ELMOD1: variants seen among roughly 807,000 people sequenced by gnomAD.
The protein encoded by ELMOD1 is ELMO domain containing 1, also known as ELMO domain-containing protein 1.
A neutral mutation model predicts 46.7 loss-of-function variants in ELMOD1; 21 were observed. That is an observed-to-expected ratio of 0.45 (90% confidence interval 0.32 to 0.65). The LOEUF (loss-of-function observed/expected upper bound fraction) is 0.65. Ranked by LOEUF, ELMOD1 falls within the 30% of genes least tolerant of loss-of-function variation. The pLI, the probability that ELMOD1 is intolerant of heterozygous loss-of-function variation, is 0.04. For missense variants in ELMOD1, 348 were observed against 407.8 expected, an observed-to-expected ratio of 0.85 and a Z score of 1.26; for synonymous variants, 122 against 138.2, an observed-to-expected ratio of 0.88 and a Z score of 0.82.
Position 107,654,238 on chromosome 11 carries a change from C to A in ELMOD1, c.698+16C>A. The A allele has an allele frequency of 6.3e-7, 1 of 1,583,936 alleles. No individual in the cohort carries two copies. The highest frequency in any genetic ancestry group is 8.6e-7 in the Non-Finnish European group (1 of 1,163,852). On this transcript the variant is annotated intron_variant, in intron 10 of 11. Coordinates refer to ENST00000265840, the MANE Select transcript of ELMOD1 (RefSeq NM_018712.4). ...AGGCAATTGGGTGAGTATGGGATCT[C>A]ACATGGAAAGATGGTCCGTCTGAAA... is the stretch of plus-strand genomic sequence containing the variant.
intron 2 of ELMOD1, among the ~76,000 whole-genome samples, chr11:107,626,601 T>C (rs1352125797): frequency 1.3e-5 from 1 of 76,768 alleles, no homozygotes; most frequent in African/African-American, 3.6e-5. Flanking sequence ...TTCCTTCTTA[T>C]CTTCTTTCCT....
chr11:107,623,486 C>A (rs993365090), intron 2 of ELMOD1: 2 of 152,226 alleles, frequency 1.3e-5, no homozygotes, highest in Admixed American at 6.5e-5. Flanking sequence ...CACGGGCACT[C>A]AATAAATGTT....
intron 1 of ELMOD1, among the ~76,000 whole-genome samples, chr11:107,602,119 T>G (rs1045284452): frequency 6.6e-6 from 1 of 152,232 alleles, no homozygotes; most frequent in Non-Finnish European, 1.5e-5. Flanking sequence ...TGCTGAATAT[T>G]TTGGCTAAGT....
At chr11:107,604,778 C>G (rs977659590) in intron 1 of ELMOD1, among the ~76,000 whole-genome samples, 2 of 152,132 alleles carry the variant, frequency 1.3e-5, no homozygotes, top group Non-Finnish European at 2.9e-5. Context: ...TTGTTGCAGA[C>G]GCCCAGTCTA....
rs979003682 is a variant in ELMOD1 at position 107,647,714 on chromosome 11, A to G, written c.554+113A>G. 3.6e-6 allele frequency: 4 copies of G among 1,104,872 alleles called. No individual in the cohort carries two copies. The African/African-American group carries it at 4.8e-5, about 13-fold the overall frequency. 68.4% of individuals were successfully genotyped at this position (1,104,872 alleles called of 1,614,324 possible). A position where few individuals can be genotyped will look rare whatever the true frequency, so the allele number is the denominator to read the frequency against. ...AAGGTACTTCCCATAAGACTCAAAG[A>G]AAACATTCAAGTCCCCTGAGAGGTC... On this transcript the variant is annotated intron_variant, in intron 7 of 11. Transcript: ENST00000265840.
chr11:107,653,995 T>C lies in ELMOD1; in HGVS notation c.648-177T>C, dbSNP rs1866575666. ...TGGATAGGAGGTAAATAGCATGGCCTTAAATAATTCCATTTCTGACCTCCA... is the reference window on the plus strand; with the variant it reads ...TGGATAGGAGGTAAATAGCATGGCCCTAAATAATTCCATTTCTGACCTCCA... On this transcript the variant is annotated intron_variant, in intron 9 of 11. Transcript: ENST00000265840. 4 of 616,732 alleles carry C rather than the reference T, an allele frequency of 6.5e-6. No individual in the cohort carries two copies. In the South Asian group the frequency reaches 8.2e-5, roughly 13 times the overall value. 38.2% of individuals were successfully genotyped at this position (616,732 alleles called of 1,614,324 possible).
chr11:107,593,615 T>A (rs1453944812), intron 1 of ELMOD1, among the ~76,000 whole-genome samples: 2 of 152,208 alleles, frequency 1.3e-5, no homozygotes, highest in Non-Finnish European at 2.9e-5. Flanking sequence ...CTCTGAGAAT[T>A]TTTAACAAAG....
At chr11:107,600,753 A>G (rs1487925609) in intron 1 of ELMOD1, 1 of 152,778 alleles carries the variant, frequency 6.5e-6, no homozygotes. Flanking sequence ...GTCAAAGCCA[A>G]CACACACATC....
chr11:107,596,840 A>T (rs1865499407), intron 1 of ELMOD1, among the ~76,000 whole-genome samples: 1 of 152,180 alleles, frequency 6.6e-6, no homozygotes, highest in African/African-American at 2.4e-5. Context: ...TTTATGCTGT[A>T]CCAAAAATTT....
intron 4 of ELMOD1, 79 bp downstream of exon 4, chr11:107,630,807 A>G: frequency 1.5e-6 from 2 of 1,359,680 alleles, no homozygotes; most frequent in South Asian, 2.6e-5. Context: ...ATTCTAAGAA[A>G]CCAAAATATA....
intron 6 of ELMOD1, among the ~76,000 whole-genome samples, chr11:107,639,714 T>C (rs1866287415): frequency 6.6e-6 from 1 of 152,206 alleles, no homozygotes; most frequent in Non-Finnish European, 1.5e-5. Context: ...ACAGTCTGAC[T>C]CAGAGTGCAG....
chr11:107,630,529 A>T lies in ELMOD1; in HGVS notation c.130A>T (p.Thr44Ser). 6.2e-7 allele frequency: 1 copy of T among 1,610,768 alleles called. No individual in the cohort carries two copies. The highest frequency in any genetic ancestry group is 8.5e-7 in the Non-Finnish European group (1 of 1,178,508). ...TGAACTACAACGGATCTGTTATAAT[A>T]CCAAGCCGGGAGCTTCTAGAACCAT... The part of the protein sequence containing the change: ...RCELQRICYN[T>S]KPGASRTMKI... The change falls in exon 3 of 12, where the codon ACC becomes TCC. Residue 44 changes from threonine to serine, a missense_variant. Thr to Ser is a moderately conservative substitution (Grantham distance 58). Transcript: ENST00000265840.
At chr11:107,641,051 G>T (rs930145662) in intron 6 of ELMOD1, among the ~76,000 whole-genome samples, 1 of 152,128 alleles carries the variant, frequency 6.6e-6, no homozygotes, top group Non-Finnish European at 1.5e-5. Context: ...AGGCACTTTG[G>T]GAAGCCGAGG....
chr11:107,655,252 A>G (rs1488997982), intron 10 of ELMOD1, among the ~76,000 whole-genome samples: 2 of 152,192 alleles, frequency 1.3e-5, no homozygotes, highest in Non-Finnish European at 2.9e-5. Context: ...GGTGTAGTAT[A>G]TTATATGAGA....
At position 107,663,682 on chromosome 11, in the gene ELMOD1, A is replaced by G. The variant is rs183857053; in HGVS notation, c.833-1343A>G. ...TTGGGGGCAGTGAAGGTCACTCCTA[A>G]TTTTGTATTAAAATAAAATATGAGT... On this transcript the variant is annotated intron_variant, in intron 11 of 11. Transcript: ENST00000265840. 4.3e-4 allele frequency among the ~76,000 whole-genome samples: 66 copies of G among 152,340 alleles called. 1 individual carries two copies. Among genetic ancestry groups the G allele is most frequent in the African/African-American group, 1.6e-3 (66 of 41,592 alleles).
Position 107,611,155 on chromosome 11 carries a change from A to G in ELMOD1, c.-85-6950A>G, listed in dbSNP as rs7123777. 6.8e-3 allele frequency among the ~76,000 whole-genome samples: 1,040 copies of G among 152,338 alleles called. 8 individuals carry two copies. The highest frequency in any genetic ancestry group is 0.023 in the African/African-American group (966 of 41,576). On this transcript the variant is annotated intron_variant, in intron 1 of 11. Coordinates refer to ENST00000265840, the MANE Select transcript of ELMOD1 (RefSeq NM_018712.4). ...GAGCTTCTACACAGCAAAAGAAACT[A>G]TCAACAGAGTAAACAGACAACTGAC...
At chr11:107,614,002 C>T (rs1865820576) in intron 1 of ELMOD1, among the ~76,000 whole-genome samples, 1 of 152,158 alleles carries the variant, frequency 6.6e-6, no homozygotes, top group Non-Finnish European at 1.5e-5. Flanking sequence ...CCTTTTTATA[C>T]CCAGATCCCC....
At chr11:107,646,943 A>ATCT (rs1866437238) in intron 6 of ELMOD1, among the ~76,000 whole-genome samples, 2 of 147,966 alleles carry the variant, frequency 1.4e-5, no homozygotes, top group African/African-American at 2.5e-5. Context: ...TTATCTATCT[A>ATCT]ATCTATCTAT....
At chr11:107,635,557 T>C (rs1866214265) in intron 5 of ELMOD1, 79 bp from the exon 6 acceptor site, 2 of 1,409,188 alleles carry the variant, frequency 1.4e-6, no homozygotes, top group East Asian at 2.3e-5. Context: ...AGTTCTATCA[T>C]GCATACATCA....
Sources: allele counts gnomAD v4.1 joint callset (sites outside exome capture counted in the v4.1 genomes callset), GRCh38; gene constraint gnomAD v4.1.1; transcripts MANE v1.5; gene names NCBI Gene and HGNC (gene_info 2026-07-23, HGNC 2026-07-21).